TBCD: variants seen among roughly 807,000 people sequenced by gnomAD.
TBCD encodes the protein tubulin folding cofactor D.
TBCD carries 105 observed loss-of-function variants against 169.3 expected under a neutral mutation model. The observed-to-expected ratio is 0.62, with a 90% CI of 0.53 to 0.73. The LOEUF (loss-of-function observed/expected upper bound fraction) is 0.73, where lower values mean the gene tolerates loss of function less well. Among genes scored for constraint, TBCD ranks in the 30% least tolerant of loss-of-function variants. The probability of loss-of-function intolerance (pLI) is 0.00; values close to 1 mark genes in which losing one functional copy is unlikely to be tolerated. For synonymous variants in TBCD, 700 were observed against 643.9 expected, an observed-to-expected ratio of 1.09 and a Z score of -1.32; for missense variants, 1,444 against 1,600.1, an observed-to-expected ratio of 0.90 and a Z score of 1.66.
intron 6 of TBCD, among the ~76,000 whole-genome samples, chr17:82,773,236 C>T (rs539266541): frequency 1.3e-5 from 2 of 152,244 alleles, no homozygotes; most frequent in African/African-American, 4.8e-5. Context: ...CACCTTCACT[C>T]GGGTGTGTAG....
chr17:82,908,950 C>T (rs2060431049), intron 21 of TBCD, among the ~76,000 whole-genome samples: 1 of 152,266 alleles, frequency 6.6e-6, no homozygotes. Flanking sequence ...TCCTGTTTGG[C>T]ACAGTTACTT....
chr17:82,757,156 T>C (rs1186219190), intron 2 of TBCD, among the ~76,000 whole-genome samples: 1 of 152,260 alleles, frequency 6.6e-6, no homozygotes, highest in Non-Finnish European at 1.5e-5. Context: ...CCTGGCTTCA[T>C]AGCCCAGTTT....
intron 13 of TBCD, among the ~76,000 whole-genome samples, chr17:82,857,115 C>CAACACCTGT (rs1243546633): frequency 6.6e-6 from 1 of 152,252 alleles, no homozygotes; most frequent in Non-Finnish European, 1.5e-5. Flanking sequence ...ATGTCCTCAC[C>CAACACCTGT]AACACCTGTG....
chr17:82,830,877 G>T, intron 13 of TBCD: 1 of 1,612,702 alleles, frequency 6.2e-7, no homozygotes, highest in Non-Finnish European at 8.5e-7. Context: ...CAACATTGAG[G>T]CTAGAAGAAG....
intron 4 of TBCD, among the ~76,000 whole-genome samples, chr17:82,768,009 A>G (rs1016097576): frequency 1.8e-4 from 27 of 151,378 alleles, no homozygotes. Context: ...CGGCCTCCCA[A>G]AGTGTTGGGA....
intron 13 of TBCD, among the ~76,000 whole-genome samples, chr17:82,852,078 C>T (rs746440845): frequency 3.3e-4 from 50 of 152,232 alleles, no homozygotes; most frequent in Non-Finnish European, 6.2e-4. Context: ...AGTTTTGCAG[C>T]CATCGCCACA....
Position 82,921,647 on chromosome 17 carries a change from G to T in TBCD, c.2178+70G>T, listed in dbSNP as rs1430464967. ...AGTGTGTTAGTCACGGATGGTGTTT[G>T]TGTTGGCGACTGTGCATCATGAGGC... On this transcript the variant is annotated intron_variant, in intron 25 of 38. Coordinates refer to ENST00000355528, the MANE Select transcript of TBCD (RefSeq NM_005993.5). 9 of 1,449,038 alleles carry T rather than the reference G, an allele frequency of 6.2e-6. No individual in the cohort carries two copies. In the East Asian group the frequency reaches 1.6e-4, roughly 26 times the overall value. 89.8% of individuals were successfully genotyped at this position (1,449,038 alleles called of 1,614,324 possible).
Position 82,922,231 on chromosome 17 carries a change from C to T in TBCD, c.2178+654C>T, listed in dbSNP as rs147555497. 6.6e-5 allele frequency among the ~76,000 whole-genome samples: 10 copies of T among 152,200 alleles called. No individual in the cohort carries two copies. The highest frequency in any genetic ancestry group is 2.4e-4 in the African/African-American group (10 of 41,534). On this transcript the variant is annotated intron_variant, in intron 25 of 38. Transcript: ENST00000355528. The surrounding 1 kb of genome is among the most constrained non-coding windows in gnomAD (Gnocchi z 4.1). The stretch of plus-strand genomic sequence containing the variant: ...CAAAAATTAGCGGGGCGAGGTGGCG[C>T]GTGCCTGTAATCCCAGCTACTCAAG...
chr17:82,777,137 C>G (rs114608259), intron 6 of TBCD, among the ~76,000 whole-genome samples: 11 of 152,034 alleles, frequency 7.2e-5, no homozygotes, highest in African/African-American at 2.4e-4. Flanking sequence ...TACTTTTAAG[C>G]CTGCAGTCTT....
rs902738652 is a variant in TBCD at position 82,901,881 on chromosome 17, G to A, written c.1730+1150G>A. ...CATTAGGTACAAGGTCCCCTAAACC[G>A]AACCTAGGGAAAATTAATTAATTTG... On this transcript the variant is annotated intron_variant, in intron 18 of 38. Coordinates refer to ENST00000355528, the MANE Select transcript of TBCD (RefSeq NM_005993.5). Among the ~76,000 whole-genome samples, 5 of 152,232 alleles carry A rather than the reference G, an allele frequency of 3.3e-5. No homozygotes were observed. The South Asian group carries it at 1.0e-3, about 32-fold the overall frequency.
chr17:82,871,806 ATCTCGTGGGGCTTCG>A (rs1479006413), intron 14 of TBCD, among the ~76,000 whole-genome samples: 1 of 151,784 alleles, frequency 6.6e-6, no homozygotes, highest in East Asian at 1.9e-4. Context: ...CTTGGCTTTG[ATCTCGTGGGGCTTCG>A]TCTTTTGGAC....
intron 13 of TBCD, among the ~76,000 whole-genome samples, chr17:82,861,402 G>C (rs539056494): frequency 6.6e-6 from 1 of 151,804 alleles, no homozygotes; most frequent in East Asian, 1.9e-4. Flanking sequence ...CTGGTGTTGA[G>C]TGTTCGCATG....
Position 82,943,247 on chromosome 17 carries a change from G to C in TBCD, c.*784G>C, listed in dbSNP as rs1162039565. ...ACTTGGGTTTTTAGGCAAAGGGCAG[G>C]AGGCTACCTTTGTCTCTGTGTCTGA... On this transcript the variant is annotated 3_prime_UTR_variant, in exon 39 of 39. Transcript: ENST00000355528. 6.6e-6 allele frequency: 1 copy of C among 152,314 alleles called. No homozygotes were observed. Among genetic ancestry groups the C allele is most frequent in the Non-Finnish European group, 1.5e-5 (1 of 68,096 alleles). The allele number at this position is 152,314 out of a possible 1,614,324, so 9.4% of individuals were successfully genotyped here.
intron 15 of TBCD, among the ~76,000 whole-genome samples, chr17:82,886,469 G>A (rs935466957): frequency 6.6e-6 from 1 of 151,424 alleles, no homozygotes; most frequent in Non-Finnish European, 1.5e-5. Context: ...TCATGAGGAA[G>A]GGAGATGGGG....
At chr17:82,924,751 A>T (rs559758927) in intron 26 of TBCD, among the ~76,000 whole-genome samples, 188 bp from the exon 27 acceptor site, 3 of 150,492 alleles carry the variant, frequency 2.0e-5, no homozygotes, top group African/African-American at 7.3e-5. Context: ...AGACTCTCTC[A>T]AAAAAAAAAT....
chr17:82,788,995 C>A (rs1174927011), intron 7 of TBCD, among the ~76,000 whole-genome samples: 1 of 152,176 alleles, frequency 6.6e-6, no homozygotes, highest in Non-Finnish European at 1.5e-5. Context: ...GAACAGCACC[C>A]TACTGTTTCA....
chr17:82,921,432 T>G, intron 24 of TBCD, 69 bp from the exon 25 acceptor site: 1 of 1,288,416 alleles, frequency 7.8e-7, no homozygotes, highest in Non-Finnish European at 1.1e-6. Context: ...ATAGAAGCTG[T>G]TTTTGCTGTT....
In TBCD at chr17:82,903,483, G is replaced by A; in HGVS notation, c.1804+5G>A. 2 of 1,590,814 alleles carry A rather than the reference G, an allele frequency of 1.3e-6. No homozygotes were observed. The highest frequency in any genetic ancestry group is 1.7e-6 in the Non-Finnish European group (2 of 1,168,710). ...CCGAGTTCAGCGCCACGCAAGGTGG[G>A]TGTGTGTCCCGGCCGGCCTGCGGGC... On this transcript the variant is annotated splice_donor_5th_base_variant and intron_variant, in intron 19 of 38. Coordinates refer to ENST00000355528, the MANE Select transcript of TBCD (RefSeq NM_005993.5). The surrounding 1 kb of genome is among the most constrained non-coding windows in gnomAD (Gnocchi z 4.8).
chr17:82,764,632 G>A (rs1189060911), intron 3 of TBCD, among the ~76,000 whole-genome samples: 3 of 152,216 alleles, frequency 2.0e-5, no homozygotes, highest in East Asian at 1.9e-4. Context: ...GTGACAGAGC[G>A]AGACTCTGTG....
Sources: gnomAD v4.1 joint callset for allele counts (sites outside exome capture counted in the v4.1 genomes callset) on GRCh38, gnomAD v4.1.1 for gene constraint, Gnocchi (gnomAD v3.1) non-coding constraint, MANE v1.5 for transcripts, NCBI Gene and HGNC (gene_info 2026-07-23, HGNC 2026-07-21) for gene names.